HECW1: variants seen among roughly 807,000 people sequenced by gnomAD.
HECW1 encodes the protein HECT, C2 and WW domain containing E3 ubiquitin protein ligase 1.
Under a neutral mutation model 182.3 loss-of-function variants are expected in HECW1, and 61 were observed. The ratio of observed to expected loss-of-function variants is 0.33; its 90% CI spans 0.27 to 0.41. HECW1 has a LOEUF of 0.41. Ranked by LOEUF, HECW1 falls within the 10% of genes least tolerant of loss-of-function variation. HECW1 has a pLI of 1.00. For missense variants in HECW1, 1,739 were observed against 2,108.9 expected (o/e 0.82, Z 3.44); for synonymous variants, 859 against 832.6 (o/e 1.03, Z -0.55).
rs147376312 is a variant in HECW1 at position 43,166,555 on chromosome 7, T to C, written c.-32+52164T>C. 1.8e-4 allele frequency among the ~76,000 whole-genome samples: 28 copies of C among 152,308 alleles called. No homozygotes were observed. In the East Asian group the frequency reaches 4.8e-3, roughly 26 times the overall value. On this transcript the variant is annotated intron_variant, in intron 2 of 29. Transcript: ENST00000395891. Reference sequence around the variant, plus strand: ...TTATTACTGATATTTTAAGAAAAGATAGGGGTTAGTCACATTACAAGTAAA... The same window carrying C: ...TTATTACTGATATTTTAAGAAAAGACAGGGGTTAGTCACATTACAAGTAAA...
chr7:43,259,992 A>G (rs1800998917), intron 3 of HECW1, among the ~76,000 whole-genome samples: 1 of 152,230 alleles, frequency 6.6e-6, no homozygotes, highest in African/African-American at 2.4e-5. Context: ...TAGAGACACA[A>G]ATAAAACCAC....
intron 2 of HECW1, among the ~76,000 whole-genome samples, chr7:43,208,861 A>G (rs1302186395): frequency 2.6e-5 from 4 of 152,314 alleles, no homozygotes; most frequent in African/African-American, 9.6e-5. Context: ...ATCTCCCTGC[A>G]AGAGCATCAG....
chr7:43,125,583 C>T (rs1219987610), intron 2 of HECW1, among the ~76,000 whole-genome samples: 2 of 150,560 alleles, frequency 1.3e-5, no homozygotes, highest in Non-Finnish European at 2.9e-5. Flanking sequence ...GGTGAAACCT[C>T]GTCTGTACTA....
Position 43,308,290 on chromosome 7 carries a change from ATATATATTATATGATATATT to A in HECW1, c.28-3445_28-3426del, listed in dbSNP as rs1327783762. ...TATTTATATATTATATGATATATTT[ATATATATTATATGATATATT>A]TATATATTATATGATATATTTATAT... On this transcript the variant is annotated intron_variant, in intron 3 of 29. Coordinates refer to ENST00000395891, the MANE Select transcript of HECW1 (RefSeq NM_015052.5). Among the ~76,000 whole-genome samples, 74 of 96,662 alleles carry A rather than the reference ATATATATTATATGATATATT, an allele frequency of 7.7e-4. 3 individuals carry two copies. In the East Asian group the frequency reaches 0.013, roughly 17 times the overall value. 63.4% of individuals were successfully genotyped at this position (96,662 alleles called of 152,430 possible).
intron 7 of HECW1, among the ~76,000 whole-genome samples, chr7:43,405,114 A>AC (rs139679506): frequency 0.011 from 1,619 of 152,302 alleles, 18 homozygotes; most frequent in Non-Finnish European, 0.017. Context: ...TATAATCTCT[A>AC]CCTTGCGGAG....
At chr7:43,205,371 T>C (rs180694144) in intron 2 of HECW1, among the ~76,000 whole-genome samples, 1 of 152,338 alleles carries the variant, frequency 6.6e-6, no homozygotes, top group African/African-American at 2.4e-5. Flanking sequence ...TTCGGCAGCA[T>C]TGAGTTTTCT....
intron 3 of HECW1, among the ~76,000 whole-genome samples, chr7:43,283,414 T>C (rs1804187365): frequency 6.6e-6 from 1 of 152,192 alleles, no homozygotes; most frequent in African/African-American, 2.4e-5. Flanking sequence ...TCAGAAATGT[T>C]AAATGATGCC....
chr7:43,515,482 G>C (rs774909831), intron 24 of HECW1, among the ~76,000 whole-genome samples: 1 of 152,194 alleles, frequency 6.6e-6, no homozygotes, highest in Non-Finnish European at 1.5e-5. Context: ...GAAATGGAAA[G>C]ATTTTTCAGA....
At chr7:43,494,563 G>A (rs1006985070) in intron 19 of HECW1, among the ~76,000 whole-genome samples, 1 of 151,588 alleles carries the variant, frequency 6.6e-6, no homozygotes, top group Non-Finnish European at 1.5e-5. Context: ...AAGTGAGATG[G>A]TACAATCTCA....
chr7:43,325,757 C>T (rs1265858610), intron 5 of HECW1, among the ~76,000 whole-genome samples: 1 of 152,160 alleles, frequency 6.6e-6, no homozygotes, highest in African/African-American at 2.4e-5. Context: ...TCCCGGATCC[C>T]ACCTCACCTC....
chr7:43,275,917 C>G (rs1803082258), intron 3 of HECW1, among the ~76,000 whole-genome samples: 1 of 152,140 alleles, frequency 6.6e-6, no homozygotes. Context: ...ATTGAATTTT[C>G]TTACTAGATT....
intron 19 of HECW1, among the ~76,000 whole-genome samples, chr7:43,498,091 G>A (rs1199654711): frequency 6.6e-6 from 1 of 152,168 alleles, no homozygotes; most frequent in Non-Finnish European, 1.5e-5. Context: ...ACTTTGGGAT[G>A]GAGTCCCAGG....
chr7:43,167,366 G>T (rs1791239792), intron 2 of HECW1, among the ~76,000 whole-genome samples: 1 of 152,106 alleles, frequency 6.6e-6, no homozygotes, highest in African/African-American at 2.4e-5. Flanking sequence ...TAAATCTAGG[G>T]TGATTTTATC....
chr7:43,318,299 C>T (rs1278218136), intron 4 of HECW1, among the ~76,000 whole-genome samples: 1 of 152,142 alleles, frequency 6.6e-6, no homozygotes, highest in East Asian at 1.9e-4. Flanking sequence ...ACCCAGGGAG[C>T]TAGGAAAATA....
At chr7:43,428,397 A>G (rs1027723804) in intron 8 of HECW1, among the ~76,000 whole-genome samples, 27 of 152,296 alleles carry the variant, frequency 1.8e-4, no homozygotes, top group African/African-American at 6.0e-4. Context: ...TGCTCAGTTC[A>G]CATCACGTGT....
chr7:43,313,431 G>A (rs544534138), intron 4 of HECW1, among the ~76,000 whole-genome samples: 1 of 150,354 alleles, frequency 6.7e-6, no homozygotes, highest in Non-Finnish European at 1.5e-5. Flanking sequence ...TCTGCCTCCC[G>A]GGTTCAAGTG....
chr7:43,550,830 T>A (rs2081792110), intron 27 of HECW1, among the ~76,000 whole-genome samples: 1 of 152,236 alleles, frequency 6.6e-6, no homozygotes, highest in Non-Finnish European at 1.5e-5. Flanking sequence ...TGAAAAATGC[T>A]TTCAAGCAAC....
At chr7:43,429,793 T>C (rs1364989649) in intron 8 of HECW1, among the ~76,000 whole-genome samples, 2 of 152,222 alleles carry the variant, frequency 1.3e-5, no homozygotes, top group Non-Finnish European at 2.9e-5. Flanking sequence ...AATAATGGCA[T>C]TGGCTGAATG....
Position 43,507,164 on chromosome 7 carries a change from C to T in HECW1, c.3659C>T (p.Pro1220Leu), listed in dbSNP as rs2079617420. ...PGLQRASARAPSPYRRDFEAK... is the reference protein window; with the variant it reads ...PGLQRASARALSPYRRDFEAK... Reference sequence around the variant, plus strand: ...TTACAGAGAGCCAGTGCAAGAGCCCCTTCCCCCTACCGAAGAGACTTTGAG... The same window carrying T: ...TTACAGAGAGCCAGTGCAAGAGCCCTTTCCCCCTACCGAAGAGACTTTGAG... The change falls in exon 22 of 30, where the codon CCT becomes CTT. Residue 1220 changes from proline to leucine, a missense_variant. Transcript: ENST00000395891. The T allele has an allele frequency of 6.2e-7, 1 of 1,613,858 alleles. No homozygotes were observed. Among genetic ancestry groups the T allele is most frequent in the Admixed American group, 1.7e-5 (1 of 59,992 alleles).
Sources: gnomAD v4.1 joint callset for allele counts (sites outside exome capture counted in the v4.1 genomes callset) on GRCh38, gnomAD v4.1.1 for gene constraint, MANE v1.5 for transcripts, NCBI Gene and HGNC (gene_info 2026-07-23, HGNC 2026-07-21) for gene names.